Variants in LIMS2 observed in about 807,000 individuals in gnomAD.
LIMS2 encodes the protein LIM zinc finger domain containing 2, also known as LIM and senescent cell antigen-like-containing domain protein 2.
LIMS2 carries 30 observed loss-of-function variants against 45.3 expected under a neutral mutation model. The observed-to-expected ratio is 0.66, with a 90% CI of 0.50 to 0.90. LIMS2 has a LOEUF of 0.90. Ranked by LOEUF, LIMS2 falls within the 40% of genes least tolerant of loss-of-function variation. The pLI, the probability that LIMS2 is intolerant of heterozygous loss-of-function variation, is 0.00. For synonymous variants in LIMS2, 173 were observed against 188.0 expected (o/e 0.92, Z 0.65); for missense variants, 485 against 468.7 (o/e 1.03, Z -0.32).
intron 4 of LIMS2, among the ~76,000 whole-genome samples, chr2:127,649,005 G>GGGGAGGGAGGGGAGGGGGA (rs1311317437): frequency 5.1e-5 from 1 of 19,606 alleles, no homozygotes; most frequent in Admixed American, 4.8e-4. Context: ...GGGGAGGGGA[G>GGGGAGGGAGGGGAGGGGGA]GAAGGGGAGG....
upstream of LIMS2, among the ~76,000 whole-genome samples, chr2:127,679,208 C>T (rs1278971992): frequency 1.3e-5 from 2 of 152,126 alleles, no homozygotes; most frequent in Non-Finnish European, 2.9e-5. This position sits in a 1 kb window ranked among gnomAD's most constrained non-coding sequence, Gnocchi z 5.3. Flanking sequence ...TGCAATGCCT[C>T]CCCCAGGAGC....
intron 4 of LIMS2, chr2:127,651,019 A>G: frequency 1.2e-6 from 2 of 1,613,764 alleles, no homozygotes; most frequent in Non-Finnish European, 1.7e-6. Context: ...TTCTCTGGGA[A>G]CCACTGGCCA....
At chr2:127,658,167 T>G (rs1438961711) in intron 1 of LIMS2, among the ~76,000 whole-genome samples, 1 of 152,164 alleles carries the variant, frequency 6.6e-6, no homozygotes, top group African/African-American at 2.4e-5. Flanking sequence ...GGTGGGCGGA[T>G]CCCTTGAGCC....
At chr2:127,648,571 G>A (rs375983704) in intron 4 of LIMS2, among the ~76,000 whole-genome samples, 8 of 152,228 alleles carry the variant, frequency 5.3e-5, no homozygotes, top group East Asian at 1.9e-4. Context: ...TCTCTGCCCC[G>A]TGCCACCAGC....
At chr2:127,674,933 T>A in intron 1 of LIMS2, 81 bp downstream of exon 1, 1 of 1,223,094 alleles carries the variant, frequency 8.2e-7, no homozygotes, top group Non-Finnish European at 1.0e-6. Context: ...GCCGCGGGGC[T>A]GTACGAGGGC....
intron 2 of LIMS2, 138 bp downstream of exon 2, chr2:127,657,265 G>A: frequency 1.0e-6 from 1 of 958,226 alleles, no homozygotes; most frequent in Non-Finnish European, 1.6e-6. Flanking sequence ...GGCCCGTGCA[G>A]GAGCTCAAGC....
At chr2:127,666,291 A>C (rs907466822) in intron 1 of LIMS2, among the ~76,000 whole-genome samples, 1 of 152,198 alleles carries the variant, frequency 6.6e-6, no homozygotes, top group African/African-American at 2.4e-5. Flanking sequence ...AAAAATTATC[A>C]GAATCTACTC....
intron 4 of LIMS2, among the ~76,000 whole-genome samples, chr2:127,646,850 G>C (rs1683043808): frequency 6.6e-6 from 1 of 152,272 alleles, no homozygotes; most frequent in Non-Finnish European, 1.5e-5. Flanking sequence ...AAGGGCAACA[G>C]AGAGTGAAGC....
chr2:127,673,634 C>T, intron 1 of LIMS2: 1 of 1,541,418 alleles, frequency 6.5e-7, no homozygotes, highest in Non-Finnish European at 8.8e-7. Context: ...GCTCTGTTCT[C>T]CTCGACATCC....
chr2:127,678,933 G>T (rs1474129558), upstream of LIMS2, among the ~76,000 whole-genome samples: 2 of 152,150 alleles, frequency 1.3e-5, no homozygotes, highest in African/African-American at 2.4e-5. This position sits in a 1 kb window ranked among gnomAD's most constrained non-coding sequence, Gnocchi z 5.3. Context: ...CAACTCTAGG[G>T]CTCCATGGAG....
chr2:127,653,773 G>A lies in LIMS2; in HGVS notation c.359+651C>T, dbSNP rs1048891126. 2.6e-5 allele frequency among the ~76,000 whole-genome samples: 4 copies of A among 152,106 alleles called. No individual in the cohort carries two copies. The highest frequency in any genetic ancestry group is 2.1e-4 in the South Asian group (1 of 4,824). ...CAGGGTAGCACACGCGAGGGGCAGC[G>A]GGTGTGCTGGGAGAAGCCGGGGAGG... On this transcript the variant is annotated intron_variant, in intron 4 of 9. Transcript: ENST00000355119. The surrounding 1 kb of genome is among the most constrained non-coding windows in gnomAD (Gnocchi z 5.3).
At chr2:127,681,122 C>T (rs566235592) in intron 1 of LIMS2, among the ~76,000 whole-genome samples, 1 of 152,222 alleles carries the variant, frequency 6.6e-6, no homozygotes, top group Non-Finnish European at 1.5e-5. Flanking sequence ...CAGAAGGCCC[C>T]GCGTGCGGCC....
chr2:127,651,002 C>G (rs745361312), intron 4 of LIMS2: 1 of 1,613,826 alleles, frequency 6.2e-7, no homozygotes, highest in East Asian at 2.2e-5. Flanking sequence ...CCCGCCTGGT[C>G]TACCACTTCT....
chr2:127,674,736 G>A, intron 1 of LIMS2: 1 of 985,442 alleles, frequency 1.0e-6, no homozygotes, highest in East Asian at 1.1e-4. Flanking sequence ...CCGCAGCCCT[G>A]GGCGTCGGTT....
At position 127,638,931 on chromosome 2, in the gene LIMS2, T is replaced by C. The variant is rs1028215288; in HGVS notation, c.*350A>G. ...GCTCTCACAGGACAGCATGAGCCAC[T>C]GAGCCGCCTGGGGAGGGCCAGGCCA... On this transcript the variant is annotated 3_prime_UTR_variant, in exon 10 of 10. Transcript: ENST00000355119. 3.6e-6 allele frequency: 1 copy of C among 279,740 alleles called. No individual in the cohort carries two copies. Among genetic ancestry groups the C allele is most frequent in the Non-Finnish European group, 6.9e-6 (1 of 145,184 alleles). The allele number at this position is 279,740 out of a possible 1,614,324, so 17.3% of individuals were successfully genotyped here. A position where few individuals can be genotyped will look rare whatever the true frequency, so the allele number is the denominator to read the frequency against.
chr2:127,661,633 C>T (rs181287424), intron 1 of LIMS2, among the ~76,000 whole-genome samples: 16 of 152,328 alleles, frequency 1.1e-4, no homozygotes, highest in African/African-American at 3.6e-4. Context: ...GCCTGGAAGC[C>T]AAACCCCAGA....
chr2:127,658,258 G>A (rs1684389629), intron 1 of LIMS2, among the ~76,000 whole-genome samples: 1 of 152,212 alleles, frequency 6.6e-6, no homozygotes, highest in Non-Finnish European at 1.5e-5. Flanking sequence ...AATTAGCCAG[G>A]TGTGGTGGTG....
intron 4 of LIMS2, chr2:127,651,731 G>A (rs750493781): frequency 3.5e-5 from 56 of 1,612,590 alleles, no homozygotes; most frequent in Admixed American, 2.5e-4. Context: ...ACGAGAGCTC[G>A]CTGAGTGCCA....
chr2:127,659,098 G>A (rs566787225), intron 1 of LIMS2, among the ~76,000 whole-genome samples: 11 of 152,262 alleles, frequency 7.2e-5, no homozygotes, highest in East Asian at 5.8e-4. Context: ...GGCTGTGGGC[G>A]GAGGGTCTCA....
Sources: allele counts gnomAD v4.1 joint callset (sites outside exome capture counted in the v4.1 genomes callset), GRCh38; gene constraint gnomAD v4.1.1; non-coding constraint Gnocchi (gnomAD v3.1); transcripts MANE v1.5; gene names NCBI Gene and HGNC (gene_info 2026-07-23, HGNC 2026-07-21).